Variants in CSMD2 observed in about 807,000 individuals in gnomAD.
CSMD2 encodes the protein CUB and Sushi multiple domains 2.
A neutral mutation model predicts 398.5 loss-of-function variants in CSMD2; 130 were observed. The observed-to-expected ratio is 0.33, with a 90% CI of 0.28 to 0.38. The LOEUF is 0.38. CSMD2 is among the 10% of genes least tolerant of loss of function. The probability of loss-of-function intolerance (pLI) is 1.00; values close to 1 mark genes in which losing one functional copy is unlikely to be tolerated. For missense variants in CSMD2, 3,829 were observed against 4,764.9 expected (o/e 0.80, Z 5.78); for synonymous variants, 1,828 against 1,908.5 (o/e 0.96, Z 1.10).
At chr1:33,589,029 T>G (rs578254330) in intron 44 of CSMD2, among the ~76,000 whole-genome samples, 2 of 152,190 alleles carry the variant, frequency 1.3e-5, no homozygotes. Flanking sequence ...TGTACTATGT[T>G]TTGGGGGATC....
chr1:33,672,618 T>C (rs1017583321), intron 25 of CSMD2, among the ~76,000 whole-genome samples: 5 of 152,196 alleles, frequency 3.3e-5, no homozygotes, highest in Non-Finnish European at 7.3e-5. Context: ...AGAGTAGTGG[T>C]TCTCCCAGCA....
At chr1:34,151,112 T>C (rs113773939) in intron 1 of CSMD2, among the ~76,000 whole-genome samples, 136 of 152,336 alleles carry the variant, frequency 8.9e-4, no homozygotes, top group Non-Finnish European at 8.5e-4. Flanking sequence ...TGCTCACTTT[T>C]GAAGAGCCTG....
Position 34,164,646 on chromosome 1 carries a change from C to T in CSMD2, c.187+265G>A, listed in dbSNP as rs920147147. Among the ~76,000 whole-genome samples the T allele has an allele frequency of 1.3e-5, 2 of 152,084 alleles. No individual in the cohort carries two copies. Among genetic ancestry groups the T allele is most frequent in the Non-Finnish European group, 2.9e-5 (2 of 68,020 alleles). On this transcript the variant is annotated intron_variant, in intron 1 of 70. Transcript: ENST00000373381. The surrounding 1 kb of genome is among the most constrained non-coding windows in gnomAD (Gnocchi z 6.2). ...AACCCCGGGCGGGGATGTCTGTCTC[C>T]CAGGCCCCCACACCGGCCGCATCCG...
At chr1:33,740,791 AG>A in intron 14 of CSMD2, among the ~76,000 whole-genome samples, 1 of 152,374 alleles carries the variant, frequency 6.6e-6, no homozygotes, top group Admixed American at 6.5e-5. Context: ...ATGTAGGCAC[AG>A]ATACATACAC....
At chr1:33,638,125 C>T (rs989909440) in intron 29 of CSMD2, among the ~76,000 whole-genome samples, 16 of 152,116 alleles carry the variant, frequency 1.1e-4, no homozygotes, top group African/African-American at 3.4e-4. Flanking sequence ...CAAGTGGGAC[C>T]GACAACATGG....
chr1:33,924,885 ATTG>A, intron 4 of CSMD2, among the ~76,000 whole-genome samples: 1 of 151,776 alleles, frequency 6.6e-6, no homozygotes, highest in South Asian at 2.1e-4. Context: ...TTTTAATGGG[ATTG>A]TTATTATTAT....
chr1:33,864,738 G>A (rs150719354), intron 5 of CSMD2: 2 of 1,609,624 alleles, frequency 1.2e-6, no homozygotes, highest in Non-Finnish European at 1.7e-6. Flanking sequence ...AGGGAAAAGA[G>A]TCAGGCAGAG....
rs76835180 is a variant in CSMD2, at chr1:33,550,358, G to A, written c.8744-8C>T. The A allele has an allele frequency of 1.1e-4, 174 of 1,611,552 alleles. No homozygotes were observed. In the African/African-American group the frequency reaches 2.2e-3, roughly 20 times the overall value. ...GATGGCCACAGGACACCACTGTGGG[G>A]GAAAAGCAAACATCTCAATGACTCT... On this transcript the variant is annotated splice_polypyrimidine_tract_variant and splice_region_variant and intron_variant, in intron 55 of 70. Transcript: ENST00000373381.
chr1:34,109,990 G>A lies in CSMD2; in HGVS notation c.188-20797C>T, dbSNP rs1362656530. On this transcript the variant is annotated intron_variant, in intron 1 of 70. Transcript: ENST00000373381. Reference sequence around the variant, plus strand: ...CAGGAGGCGGAGGTTGCAGTGAACCGAGATGGCGCCACTGCACTCCAGCCT... The same window carrying A: ...CAGGAGGCGGAGGTTGCAGTGAACCAAGATGGCGCCACTGCACTCCAGCCT... 1.3e-4 allele frequency among the ~76,000 whole-genome samples: 17 copies of A among 135,050 alleles called. No homozygotes were observed. In the East Asian group the frequency reaches 4.0e-3, roughly 32 times the overall value. The allele number at this position is 135,050 out of a possible 152,430, so 88.6% of individuals were successfully genotyped here. A position where few individuals can be genotyped will look rare whatever the true frequency, so the allele number is the denominator to read the frequency against.
intron 53 of CSMD2, among the ~76,000 whole-genome samples, chr1:33,561,766 G>C (rs1038629701): frequency 6.6e-6 from 1 of 152,156 alleles, no homozygotes; most frequent in Non-Finnish European, 1.5e-5. Context: ...AGGGTGAGTA[G>C]GGCTTCGCCA....
Position 33,521,568 on chromosome 1 carries a change from A to G in CSMD2, c.10510-18T>C, listed in dbSNP as rs762003017. 6.5e-7 allele frequency: 1 copy of G among 1,532,302 alleles called. No individual in the cohort carries two copies. The highest frequency in any genetic ancestry group is 9.0e-7 in the Non-Finnish European group (1 of 1,105,344). The allele number at this position is 1,532,302 out of a possible 1,614,324, so 94.9% of individuals were successfully genotyped here. On this transcript the variant is annotated intron_variant, in intron 67 of 70. Coordinates refer to ENST00000373381, the MANE Select transcript of CSMD2 (RefSeq NM_001281956.2). ...GACGAGACCTGTGATGGTGGGGAGC[A>G]CAGAGAGCAGGTGGGAGGCTGCTGG...
chr1:33,994,779 A>G (rs1447921056), intron 3 of CSMD2, among the ~76,000 whole-genome samples: 1 of 152,120 alleles, frequency 6.6e-6, no homozygotes, highest in Non-Finnish European at 1.5e-5. Context: ...GCTAAGCAGT[A>G]TTTCCACCGG....
intron 44 of CSMD2, chr1:33,592,191 C>G (rs1419925518): frequency 3.6e-6 from 2 of 558,146 alleles, no homozygotes; most frequent in Non-Finnish European, 6.4e-6. Context: ...CATCAGAAAC[C>G]AAGGAAATTT....
chr1:33,710,999 G>A (rs1370946953), intron 21 of CSMD2, among the ~76,000 whole-genome samples: 1 of 152,140 alleles, frequency 6.6e-6, no homozygotes, highest in African/African-American at 2.4e-5. Context: ...TAACTTTACA[G>A]TACTTTTAAA....
chr1:33,724,255 A>T lies in CSMD2; in HGVS notation c.2943T>A (p.Pro981=), dbSNP rs1420195792. ...AGTTCAAGTTGTTGGGGTAGAAGTC[A>T]GGGAACCCTGGCGACAAGATGGTCC... ...SSGTILSPGF[P]DFYPNNLNCT... is the part of the protein sequence containing the mutation. Residue 981 remains proline, a synonymous_variant, in exon 19 of 71, where the codon CCT becomes CCA. Transcript: ENST00000373381. 2 of 1,614,128 alleles carry T rather than the reference A, an allele frequency of 1.2e-6. No individual in the cohort carries two copies. The highest frequency in any genetic ancestry group is 2.2e-5 in the South Asian group (2 of 91,072).
chr1:33,628,370 G>GA (rs1364857492), intron 32 of CSMD2, among the ~76,000 whole-genome samples: 1 of 151,866 alleles, frequency 6.6e-6, no homozygotes, highest in East Asian at 1.9e-4. Context: ...AATTGAAGGA[G>GA]AAAAAAAATC....
chr1:33,804,915 T>G lies in CSMD2; in HGVS notation c.1446+5828A>C, dbSNP rs752054493. On this transcript the variant is annotated intron_variant, in intron 10 of 70. Transcript: ENST00000373381. The stretch of plus-strand genomic sequence containing the variant: ...TCCTCCCGCCTGGATCAGGATAGGG[T>G]TCTCTTCAGCCTTTCTGGGCTCCCT... 5 of 716,936 alleles carry G rather than the reference T, an allele frequency of 7.0e-6. No homozygotes were observed. The African/African-American group carries it at 7.0e-5, about 10-fold the overall frequency. The allele number at this position is 716,936 out of a possible 1,614,324, so 44.4% of individuals were successfully genotyped here. A position where few individuals can be genotyped will look rare whatever the true frequency, so the allele number is the denominator to read the frequency against.
intron 5 of CSMD2, among the ~76,000 whole-genome samples, chr1:33,880,192 G>C (rs796663750): frequency 7.2e-5 from 11 of 152,306 alleles, no homozygotes; most frequent in African/African-American, 2.6e-4. Flanking sequence ...AAAAATGTAT[G>C]CTGAATGAGT....
rs1557606634 is a variant in CSMD2 at position 33,604,208 on chromosome 1, GA to G, written c.6532+1073del. Among the ~76,000 whole-genome samples, 4 of 152,360 alleles carry G rather than the reference GA, an allele frequency of 2.6e-5. No individual in the cohort carries two copies. The South Asian group carries it at 8.3e-4, about 32-fold the overall frequency. On this transcript the variant is annotated intron_variant, in intron 42 of 70. Transcript: ENST00000373381. ...AGACAAACAAGGTGTGAGAATGGAA[GA>G]AAGCCCAGGATGAGGCTTGTTGCAC...
Sources: allele counts gnomAD v4.1 joint callset (sites outside exome capture counted in the v4.1 genomes callset), GRCh38; gene constraint gnomAD v4.1.1; non-coding constraint Gnocchi (gnomAD v3.1); transcripts MANE v1.5; gene names NCBI Gene and HGNC (gene_info 2026-07-23, HGNC 2026-07-21).